LTAP1: variants seen among roughly 807,000 people sequenced by gnomAD.
LTAP1 encodes the protein HCV NS5A-transactivated protein 4.
chr1:154,220,427 G>T, the LTAP1 span: 5 of 1,614,178 alleles, frequency 3.1e-6, no homozygotes, highest in East Asian at 1.1e-4. Context: ...ACCTCGCGCA[G>T]AATTGTTCGG....
the LTAP1 span, chr1:154,212,686 A>T: frequency 1.9e-6 from 3 of 1,584,042 alleles, no homozygotes; most frequent in Non-Finnish European, 2.6e-6. Context: ...TTTGAGATGG[A>T]GTCTCGCTCT....
chr1:154,216,084 G>A, the LTAP1 span, among the ~76,000 whole-genome samples: 5 of 151,934 alleles, frequency 3.3e-5, no homozygotes, highest in South Asian at 2.1e-4. Flanking sequence ...TGATCCACCC[G>A]CCTCGGCCTC....
chr1:154,214,580 C>T, the LTAP1 span: 41 of 1,579,608 alleles, frequency 2.6e-5, no homozygotes, highest in Non-Finnish European at 3.6e-5. Context: ...AAGTCCTGTT[C>T]ACATAAAAAA....
chr1:154,215,898 C>T, the LTAP1 span, among the ~76,000 whole-genome samples: 2 of 149,786 alleles, frequency 1.3e-5, no homozygotes, highest in Admixed American at 6.6e-5. Context: ...AGTGCAGTGG[C>T]GCAATCTCAG....
chr1:154,214,700 T>C, the LTAP1 span: 1 of 626,330 alleles, frequency 1.6e-6, no homozygotes, highest in African/African-American at 1.8e-5. Flanking sequence ...ATGTAGTTAA[T>C]AAAATTACCA....
chr1:154,211,913 A>C, the LTAP1 span: 1 of 174,088 alleles, frequency 5.7e-6, no homozygotes, highest in Non-Finnish European at 1.2e-5. Context: ...CTGGAGTATA[A>C]TGGCACGATC....
the LTAP1 span, chr1:154,212,683 T>G: frequency 5.0e-6 from 8 of 1,589,098 alleles, no homozygotes; most frequent in East Asian, 1.8e-4. Flanking sequence ...TTTTTTGAGA[T>G]GGAGTCTCGC....
chr1:154,212,555 A>G, the LTAP1 span: 1 of 1,614,254 alleles, frequency 6.2e-7, no homozygotes, highest in Non-Finnish European at 8.5e-7. Flanking sequence ...TCGCAGATCC[A>G]GCAGGTAGGA....
the LTAP1 span, chr1:154,207,291 ACC>A: frequency 1.6e-6 from 1 of 642,710 alleles, no homozygotes; most frequent in South Asian, 2.0e-5. Context: ...TTGGGGAATT[ACC>A]CTTTAGACAC....
the LTAP1 span, among the ~76,000 whole-genome samples, chr1:154,216,088 C>T: frequency 2.6e-5 from 4 of 152,066 alleles, no homozygotes; most frequent in Admixed American, 6.6e-5. Context: ...CCACCCGCCT[C>T]GGCCTCCCAA....
At chr1:154,217,735 T>C in the LTAP1 span, among the ~76,000 whole-genome samples, 18 of 152,038 alleles carry the variant, frequency 1.2e-4, no homozygotes, top group South Asian at 2.1e-4. Context: ...CTCGAACTCC[T>C]GACCTCAAGT....
chr1:154,215,995 G>A, the LTAP1 span, among the ~76,000 whole-genome samples: 2 of 151,970 alleles, frequency 1.3e-5, no homozygotes, highest in East Asian at 1.9e-4. Context: ...CCGCCACCAC[G>A]CCTGGCTAAT....
At chr1:154,207,585 C>G in the LTAP1 span, 5 of 1,613,814 alleles carry the variant, frequency 3.1e-6, no homozygotes, top group African/African-American at 4.0e-5. Flanking sequence ...CCTCAGGGGA[C>G]TGAGTTAGGT....
At chr1:154,219,725 T>C in the LTAP1 span, 1 of 824,990 alleles carries the variant, frequency 1.2e-6, no homozygotes, top group Non-Finnish European at 1.9e-6. Flanking sequence ...CAAGGACAAG[T>C]GCACGCAAAG....
At chr1:154,216,370 T>C in the LTAP1 span, among the ~76,000 whole-genome samples, 3 of 152,086 alleles carry the variant, frequency 2.0e-5, no homozygotes, top group Non-Finnish European at 4.4e-5. Context: ...GGTCACACTC[T>C]GTCACCCAGG....
the LTAP1 span, chr1:154,220,220 G>T: frequency 8.3e-7 from 1 of 1,210,222 alleles, no homozygotes; most frequent in Non-Finnish European, 1.2e-6. Context: ...CCTGGAATAA[G>T]GAGTCAAAGC....
chr1:154,207,546 G>T, the LTAP1 span: 1 of 1,613,976 alleles, frequency 6.2e-7, no homozygotes. Context: ...TGGAGGGGAG[G>T]TATGTCACCT....
the LTAP1 span, among the ~76,000 whole-genome samples, chr1:154,216,907 C>A: frequency 2.0e-5 from 3 of 152,084 alleles, no homozygotes; most frequent in Non-Finnish European, 4.4e-5. Flanking sequence ...CCTCGGCCTC[C>A]CAAAGTGCTA....
the LTAP1 span, among the ~76,000 whole-genome samples, chr1:154,216,189 C>T: frequency 6.6e-6 from 1 of 152,200 alleles, no homozygotes; most frequent in East Asian, 1.9e-4. Context: ...ATGCTCCGCA[C>T]CCCAAACCTT....
Sources: gnomAD v4.1 joint callset for allele counts (sites outside exome capture counted in the v4.1 genomes callset) on GRCh38, gnomAD v4.1.1 for gene constraint, MANE v1.5 for transcripts, NCBI Gene and HGNC (gene_info 2026-07-23, HGNC 2026-07-21) for gene names.